The following SLX4IP variants were observed in gnomAD, a reference collection of about 807,000 sequenced individuals.
The protein encoded by SLX4IP is SLX4 interacting protein, also known as protein SLX4IP.
Under a neutral mutation model 32.9 loss-of-function variants are expected in SLX4IP, and 34 were observed. The observed-to-expected ratio is 1.03, with a 90% CI of 0.79 to 1.38. The LOEUF (loss-of-function observed/expected upper bound fraction) is 1.38, where lower values mean the gene tolerates loss of function less well. SLX4IP is among the 40% of genes most tolerant of loss of function. The probability of loss-of-function intolerance (pLI) is 0.00; values close to 1 mark genes in which losing one functional copy is unlikely to be tolerated. For synonymous variants in SLX4IP, 172 were observed against 171.7 expected (o/e 1.00, Z -0.01); for missense variants, 444 against 479.0 (o/e 0.93, Z 0.68).
intron 4 of SLX4IP, among the ~76,000 whole-genome samples, chr20:10,584,360 AG>A (rs2066620628): frequency 6.6e-6 from 1 of 152,178 alleles, no homozygotes; most frequent in Non-Finnish European, 1.5e-5. Context: ...ATCCAGCTAA[AG>A]GCCTGTTTGT....
At chr20:10,456,104 A>G (rs566145705) in intron 1 of SLX4IP, among the ~76,000 whole-genome samples, 47 of 152,336 alleles carry the variant, frequency 3.1e-4, no homozygotes, top group Non-Finnish European at 5.3e-4. Context: ...AATCATAAAA[A>G]TATGTAAAAT....
chr20:10,540,237 C>T (rs1035789731), intron 2 of SLX4IP, among the ~76,000 whole-genome samples: 1 of 148,128 alleles, frequency 6.8e-6, no homozygotes, highest in Non-Finnish European at 1.5e-5. Context: ...TTTTTAATAC[C>T]TAGCCGAGCA....
intron 2 of SLX4IP, among the ~76,000 whole-genome samples, chr20:10,543,781 T>A (rs1165097628): frequency 1.3e-5 from 2 of 152,194 alleles, no homozygotes; most frequent in South Asian, 4.1e-4. Flanking sequence ...GCTGTTTTAG[T>A]GGAGTAATGT....
intron 2 of SLX4IP, among the ~76,000 whole-genome samples, chr20:10,503,630 A>G (rs558627477): frequency 2.6e-5 from 4 of 152,322 alleles, no homozygotes; most frequent in South Asian, 4.1e-4. Flanking sequence ...GGCTGTTGTA[A>G]CAAACAACCA....
At chr20:10,476,569 C>T (rs547136041) in intron 2 of SLX4IP, among the ~76,000 whole-genome samples, 9 of 152,230 alleles carry the variant, frequency 5.9e-5, no homozygotes, top group East Asian at 1.9e-4. Flanking sequence ...GTTCCTATGC[C>T]GCGTGTGTCT....
intron 2 of SLX4IP, among the ~76,000 whole-genome samples, chr20:10,525,746 G>C (rs1326233098): frequency 1.3e-5 from 2 of 152,192 alleles, no homozygotes; most frequent in Admixed American, 6.5e-5. Context: ...TCCTGGAGAT[G>C]TCATTCTGTT....
At chr20:10,520,353 G>A (rs1207925179) in intron 2 of SLX4IP, among the ~76,000 whole-genome samples, 1 of 152,168 alleles carries the variant, frequency 6.6e-6, no homozygotes, top group Non-Finnish European at 1.5e-5. Context: ...CCCGGCCCTT[G>A]TGCCCATTTT....
chr20:10,560,213 A>G (rs2066316495), intron 3 of SLX4IP, among the ~76,000 whole-genome samples: 1 of 152,206 alleles, frequency 6.6e-6, no homozygotes. Context: ...TTGCACCAGC[A>G]GTGGATGAAT....
At chr20:10,550,963 C>T (rs1025211543) in intron 2 of SLX4IP, among the ~76,000 whole-genome samples, 5 of 152,160 alleles carry the variant, frequency 3.3e-5, no homozygotes, top group African/African-American at 1.2e-4. Context: ...TGGCTAGTGC[C>T]CCTGTGAAAC....
chr20:10,606,355 A>G (rs1033233185), intron 6 of SLX4IP, among the ~76,000 whole-genome samples: 6 of 152,352 alleles, frequency 3.9e-5, no homozygotes, highest in African/African-American at 1.4e-4. Context: ...ACTTTTGCAT[A>G]AGTATAAATC....
intron 1 of SLX4IP, among the ~76,000 whole-genome samples, chr20:10,449,191 G>C (rs1005730180): frequency 1.3e-5 from 2 of 152,176 alleles, no homozygotes; most frequent in African/African-American, 4.8e-5. Context: ...GCAAGCTCAA[G>C]GTCTATGCAA....
At chr20:10,541,893 G>A (rs1010545904) in intron 2 of SLX4IP, among the ~76,000 whole-genome samples, 37 of 152,190 alleles carry the variant, frequency 2.4e-4, no homozygotes, top group African/African-American at 8.7e-4. Flanking sequence ...GGCCAGTAAA[G>A]GGGGCAGCCA....
chr20:10,491,763 A>G (rs1600925981), intron 2 of SLX4IP, among the ~76,000 whole-genome samples: 2 of 152,234 alleles, frequency 1.3e-5, no homozygotes, highest in Admixed American at 1.3e-4. Context: ...GTTCAACGTA[A>G]TAGTATCTAC....
chr20:10,498,709 GT>G (rs2065690861), intron 2 of SLX4IP, among the ~76,000 whole-genome samples: 1 of 148,664 alleles, frequency 6.7e-6, no homozygotes, highest in Non-Finnish European at 1.5e-5. Context: ...TGGTGACGGA[GT>G]TTACAACTGG....
intron 4 of SLX4IP, among the ~76,000 whole-genome samples, chr20:10,581,408 T>A (rs926420631): frequency 2.0e-5 from 3 of 151,820 alleles, no homozygotes; most frequent in African/African-American, 4.8e-5. Context: ...AGCAAACCAG[T>A]GAAATGCACA....
intron 2 of SLX4IP, among the ~76,000 whole-genome samples, chr20:10,489,701 A>C (rs1481059458): frequency 1.3e-5 from 2 of 152,144 alleles, no homozygotes; most frequent in African/African-American, 4.8e-5. Context: ...GGGGAGTGGG[A>C]TTACCCATGG....
chr20:10,512,679 T>C (rs2065817623), intron 2 of SLX4IP, among the ~76,000 whole-genome samples: 1 of 141,960 alleles, frequency 7.0e-6, no homozygotes, highest in Non-Finnish European at 1.5e-5. Flanking sequence ...ATATTGTGTA[T>C]ATATATTTTA....
At chr20:10,582,528 C>T (rs958377214) in intron 4 of SLX4IP, among the ~76,000 whole-genome samples, 3 of 151,988 alleles carry the variant, frequency 2.0e-5, no homozygotes, top group African/African-American at 2.4e-5. Flanking sequence ...CCATGCTTAA[C>T]GGGTTGGTAA....
chr20:10,479,648 G>A (rs1170386616), intron 2 of SLX4IP, among the ~76,000 whole-genome samples: 5 of 95,806 alleles, frequency 5.2e-5, no homozygotes, highest in African/African-American at 8.2e-5. Context: ...GTCCCGGCTC[G>A]AATTGCATAT....
Sources: gnomAD v4.1 joint callset for allele counts (sites outside exome capture counted in the v4.1 genomes callset) on GRCh38, gnomAD v4.1.1 for gene constraint, MANE v1.5 for transcripts, NCBI Gene and HGNC (gene_info 2026-07-23, HGNC 2026-07-21) for gene names.